CSMD1: variants seen among roughly 807,000 people sequenced by gnomAD.
CSMD1 encodes CUB and sushi domain-containing protein 1.
CSMD1 carries 213 observed loss-of-function variants against 417.5 expected under a neutral mutation model. The observed-to-expected ratio is 0.51, with a 90% confidence interval of 0.46 to 0.57. The LOEUF (loss-of-function observed/expected upper bound fraction) is 0.57, where lower values mean the gene tolerates loss of function less well. Among genes scored for constraint, CSMD1 ranks in the 20% least tolerant of loss-of-function variants. The pLI, the probability that CSMD1 is intolerant of heterozygous loss-of-function variation, is 0.00. For synonymous variants in CSMD1, 2,862 were observed against 1,736.8 expected (o/e 1.65, Z -16.11); for missense variants, 6,923 against 4,529.7 (o/e 1.53, Z -15.17).
intron 8 of CSMD1, among the ~76,000 whole-genome samples, chr8:3,606,199 G>C (rs993585912): frequency 6.6e-6 from 1 of 152,154 alleles, no homozygotes; most frequent in African/African-American, 2.4e-5. Context: ...ATGGGCCAAG[G>C]TGCAGTCACT....
chr8:3,209,624 A>T (rs529633979), intron 30 of CSMD1, among the ~76,000 whole-genome samples: 1 of 152,256 alleles, frequency 6.6e-6, no homozygotes, highest in South Asian at 2.1e-4. Context: ...CGGCTATTTA[A>T]TTCTTAATAA....
At chr8:4,041,209 G>A (rs1413655189) in intron 3 of CSMD1, among the ~76,000 whole-genome samples, 5 of 151,778 alleles carry the variant, frequency 3.3e-5, no homozygotes, top group African/African-American at 1.2e-4. Flanking sequence ...GGTAGAGACG[G>A]GGTTTCACCG....
chr8:3,191,492 G>C (rs185759407), intron 33 of CSMD1, among the ~76,000 whole-genome samples: 1 of 152,136 alleles, frequency 6.6e-6, no homozygotes, highest in Admixed American at 6.5e-5. Flanking sequence ...AGCCCCTCCA[G>C]TTCTCTCTTG....
At chr8:3,449,598 A>C (rs1406119314) in intron 12 of CSMD1, among the ~76,000 whole-genome samples, 3 of 152,030 alleles carry the variant, frequency 2.0e-5, no homozygotes, top group Non-Finnish European at 4.4e-5. Context: ...GCTCACTGCA[A>C]ACTCTGCCTC....
At chr8:3,539,258 T>G (rs866806164) in intron 10 of CSMD1, among the ~76,000 whole-genome samples, 10 of 152,186 alleles carry the variant, frequency 6.6e-5, no homozygotes, top group African/African-American at 2.4e-4. Context: ...CACTCTCTCC[T>G]GGGCGGATTT....
chr8:3,481,893 G>C (rs991834040), intron 11 of CSMD1, among the ~76,000 whole-genome samples: 2 of 152,154 alleles, frequency 1.3e-5, no homozygotes, highest in Non-Finnish European at 1.5e-5. Flanking sequence ...CCAGAACTGA[G>C]AGTACAAATT....
intron 3 of CSMD1, among the ~76,000 whole-genome samples, chr8:4,260,242 C>T (rs1803781984): frequency 6.6e-6 from 1 of 152,152 alleles, no homozygotes; most frequent in Non-Finnish European, 1.5e-5. Flanking sequence ...GCTATTTCAA[C>T]TTGCATTCCG....
chr8:4,675,336 A>G (rs1805605601), intron 1 of CSMD1, among the ~76,000 whole-genome samples: 1 of 152,218 alleles, frequency 6.6e-6, no homozygotes, highest in South Asian at 2.1e-4. Context: ...TGTAAAATAA[A>G]TGAGTGTAGA....
intron 7 of CSMD1, among the ~76,000 whole-genome samples, chr8:3,665,261 C>A (rs981050040): frequency 1.3e-5 from 2 of 152,150 alleles, no homozygotes; most frequent in African/African-American, 2.4e-5. Flanking sequence ...TGGCTCACAT[C>A]TGTAATTCCT....
At chr8:3,084,013 A>G (rs1814335777) in intron 49 of CSMD1, among the ~76,000 whole-genome samples, 1 of 152,078 alleles carries the variant, frequency 6.6e-6, no homozygotes, top group Non-Finnish European at 1.5e-5. Flanking sequence ...AAGGAAACAA[A>G]TCTTTTTGTT....
intron 1 of CSMD1, among the ~76,000 whole-genome samples, chr8:4,645,238 T>C (rs1380739764): frequency 6.6e-6 from 1 of 152,042 alleles, no homozygotes; most frequent in Admixed American, 6.6e-5. Flanking sequence ...AAGACAAGGC[T>C]GCCATGAGTC....
chr8:3,566,423 C>G (rs1799710330), intron 10 of CSMD1, among the ~76,000 whole-genome samples: 2 of 152,124 alleles, frequency 1.3e-5, no homozygotes, highest in African/African-American at 2.4e-5. Flanking sequence ...TCCCTTCACT[C>G]TAGGCACCAC....
intron 2 of CSMD1, 139 bp downstream of exon 2, chr8:4,637,203 T>C (rs1268979179): frequency 6.2e-6 from 4 of 640,952 alleles, no homozygotes; most frequent in Non-Finnish European, 1.1e-5. Flanking sequence ...GTGGCTTCAT[T>C]CTTGAAGTCA....
rs954070221 is a variant in CSMD1 at position 4,711,827 on chromosome 8, T to C, written c.86-74269A>G. On this transcript the variant is annotated intron_variant, in intron 1 of 69. Coordinates refer to ENST00000635120, the MANE Select transcript of CSMD1 (RefSeq NM_033225.6). ...GCCTTAAAAAAGGTCCCGAACCAAG[T>C]AGTTTTCTTCTATCATAATAATGAT... 2.6e-5 allele frequency among the ~76,000 whole-genome samples: 4 copies of C among 152,174 alleles called. No individual in the cohort carries two copies. The East Asian group carries it at 7.7e-4, about 29-fold the overall frequency.
intron 26 of CSMD1, among the ~76,000 whole-genome samples, chr8:3,239,520 T>G (rs927525114): frequency 5.3e-5 from 8 of 152,194 alleles, no homozygotes; most frequent in Non-Finnish European, 1.2e-4. Flanking sequence ...AAAGCTAATT[T>G]GCCAGTCTTG....
chr8:4,812,376 G>A (rs1798956898), intron 1 of CSMD1, among the ~76,000 whole-genome samples: 1 of 152,068 alleles, frequency 6.6e-6, no homozygotes, highest in Admixed American at 6.6e-5. Flanking sequence ...TTAGATAGAA[G>A]GTATAAATTC....
At chr8:4,333,664 T>C (rs1454239810) in intron 3 of CSMD1, among the ~76,000 whole-genome samples, 1 of 152,132 alleles carries the variant, frequency 6.6e-6, no homozygotes, top group African/African-American at 2.4e-5. Flanking sequence ...CACATCATTT[T>C]ATAAGTGCTT....
chr8:4,074,449 A>C (rs1585256640), intron 3 of CSMD1, among the ~76,000 whole-genome samples: 1 of 152,102 alleles, frequency 6.6e-6, no homozygotes, highest in East Asian at 1.9e-4. Flanking sequence ...ACTTTCAGAG[A>C]AGCATTTGTC....
At chr8:4,783,913 C>T (rs899689795) in intron 1 of CSMD1, among the ~76,000 whole-genome samples, 3 of 151,990 alleles carry the variant, frequency 2.0e-5, no homozygotes, top group Non-Finnish European at 4.4e-5. Context: ...TGAATTTGAC[C>T]GTGAATAAAA....
Sources: allele counts gnomAD v4.1 joint callset (sites outside exome capture counted in the v4.1 genomes callset), GRCh38; gene constraint gnomAD v4.1.1; transcripts MANE v1.5; gene names NCBI Gene and HGNC (gene_info 2026-07-23, HGNC 2026-07-21).